The following PAN3 variants were observed in gnomAD, a reference collection of about 807,000 sequenced individuals.
The protein encoded by PAN3 is poly(A) specific ribonuclease subunit PAN3, also known as PAN2-PAN3 deadenylation complex subunit PAN3.
Under a neutral mutation model 96.2 loss-of-function variants are expected in PAN3, and 19 were observed. That is an observed-to-expected ratio of 0.20 (90% confidence interval 0.14 to 0.29). PAN3 has a LOEUF of 0.29. Among genes scored for constraint, PAN3 ranks in the 10% least tolerant of loss-of-function variants. The probability of loss-of-function intolerance (pLI) is 1.00; values close to 1 mark genes in which losing one functional copy is unlikely to be tolerated. For missense variants in PAN3, 882 were observed against 1,108.1 expected, an observed-to-expected ratio of 0.80 and a Z score of 2.90; for synonymous variants, 433 against 406.6, an observed-to-expected ratio of 1.06 and a Z score of -0.78.
intron 1 of PAN3, among the ~76,000 whole-genome samples, chr13:28,156,956 T>C (rs1238716916): frequency 8.1e-6 from 1 of 123,746 alleles, no homozygotes; most frequent in Non-Finnish European, 1.6e-5. Flanking sequence ...GATTGGGCCA[T>C]GGTACTCCAA....
intron 1 of PAN3, among the ~76,000 whole-genome samples, chr13:28,171,123 G>C (rs1198902135): frequency 6.6e-6 from 1 of 152,010 alleles, no homozygotes; most frequent in Non-Finnish European, 1.5e-5. Context: ...CCAACCACAT[G>C]ACCCAAAATT....
intron 6 of PAN3, among the ~76,000 whole-genome samples, chr13:28,232,961 G>T (rs997602335): frequency 2.6e-5 from 4 of 152,144 alleles, no homozygotes; most frequent in Middle Eastern, 3.4e-3. Flanking sequence ...AAGTTTTTAG[G>T]TTAGATTCAT....
Position 28,141,009 on chromosome 13 carries a change from T to TTTATTTA in PAN3, c.430+1924_430+1925insATTTATT, listed in dbSNP as rs1566128457. 1.2e-4 allele frequency among the ~76,000 whole-genome samples: 14 copies of TTTATTTA among 120,728 alleles called. No homozygotes were observed. In the East Asian group the frequency reaches 5.0e-3, roughly 43 times the overall value. 79.2% of individuals were successfully genotyped at this position (120,728 alleles called of 152,430 possible). Reference sequence around the variant, plus strand: ...TTACTGACAGAAAGAGACACTTTTTTTTTTTTTTTTTTTGAGACGGAGGCT... The same window carrying TTTATTTA: ...TTACTGACAGAAAGAGACACTTTTTTTTATTTATTTTTTTTTTTTTGAGACGGAGGCT... On this transcript the variant is annotated intron_variant, in intron 1 of 18. Coordinates refer to ENST00000380958, the MANE Select transcript of PAN3 (RefSeq NM_175854.8).
At position 28,174,305 on chromosome 13, in the gene PAN3, C is replaced by A. The variant is rs1384584014; in HGVS notation, c.464C>A (p.Thr155Lys). The A allele has an allele frequency of 1.2e-6, 2 of 1,612,698 alleles. No individual in the cohort carries two copies. Among genetic ancestry groups the A allele is most frequent in the Admixed American group, 1.7e-5 (1 of 60,008 alleles). The change falls in exon 2 of 19, where the codon ACA becomes AAA. Residue 155 changes from threonine to lysine, a missense_variant. Thr to Lys is a moderately conservative substitution (Grantham distance 78, BLOSUM62 -1). Around this residue, in one of 3 missense-constraint regions of PAN3, gnomAD observed 442 missense variants for 422.8 expected, o/e 1.05. Coordinates refer to ENST00000380958, the MANE Select transcript of PAN3 (RefSeq NM_175854.8). ...ATGGATGGAGGTGCTTTAACTGATA[C>A]AAGTCTCACAGATTCCTATTTTAGC... ...PGMDGGALTD[T>K]SLTDSYFSTS...
chr13:28,165,686 G>C (rs1463389808), intron 1 of PAN3, among the ~76,000 whole-genome samples: 1 of 152,136 alleles, frequency 6.6e-6, no homozygotes, highest in East Asian at 1.9e-4. Flanking sequence ...ATTGGAGACT[G>C]GGTAATTTTT....
chr13:28,243,768 G>A (rs1883899922), intron 6 of PAN3, among the ~76,000 whole-genome samples: 1 of 152,052 alleles, frequency 6.6e-6, no homozygotes, highest in Admixed American at 6.6e-5. Context: ...GGCTCCCTGT[G>A]AAGCCCGCCT....
At chr13:28,215,489 T>C (rs1880633277) in intron 5 of PAN3, 4 of 683,358 alleles carry the variant, frequency 5.9e-6, no homozygotes. Context: ...AGTGTTGCTG[T>C]TGACAGCAAA....
At chr13:28,280,371 C>T in intron 15 of PAN3, 41 bp from the exon 16 acceptor site, 3 of 1,566,980 alleles carry the variant, frequency 1.9e-6, no homozygotes, top group Non-Finnish European at 1.7e-6. Flanking sequence ...TTTTAAATTG[C>T]ATGTTGGACA....
At chr13:28,231,199 G>A (rs898826188) in intron 6 of PAN3, among the ~76,000 whole-genome samples, 1 of 152,092 alleles carries the variant, frequency 6.6e-6, no homozygotes, top group African/African-American at 2.4e-5. Context: ...TGGGATTTAG[G>A]CACTGCACTT....
At chr13:28,172,017 G>A (rs1874369132) in intron 1 of PAN3, among the ~76,000 whole-genome samples, 1 of 152,122 alleles carries the variant, frequency 6.6e-6, no homozygotes, top group Non-Finnish European at 1.5e-5. Context: ...AACCAAAGAT[G>A]CTCCCAGCAC....
chr13:28,145,351 G>A (rs190716631), intron 1 of PAN3, among the ~76,000 whole-genome samples: 1 of 152,136 alleles, frequency 6.6e-6, no homozygotes, highest in Admixed American at 6.6e-5. Context: ...TTGAGACAGA[G>A]TCTCACTCTA....
chr13:28,209,464 A>ATT (rs1212397600), intron 5 of PAN3, among the ~76,000 whole-genome samples: 16 of 152,234 alleles, frequency 1.1e-4, no homozygotes, highest in Non-Finnish European at 2.1e-4. Context: ...TTTTTACTGA[A>ATT]TCAGTAGTAT....
At chr13:28,185,097 A>G (rs1029451988) in intron 4 of PAN3, among the ~76,000 whole-genome samples, 1 of 152,124 alleles carries the variant, frequency 6.6e-6, no homozygotes, top group African/African-American at 2.4e-5. Flanking sequence ...TTTTTATATA[A>G]TTAATTTGAA....
chr13:28,182,612 T>A (rs1273346104), intron 4 of PAN3, among the ~76,000 whole-genome samples: 1 of 152,190 alleles, frequency 6.6e-6, no homozygotes, highest in Admixed American at 6.6e-5. Flanking sequence ...TCTCTTCTGT[T>A]CTTGCTTTTA....
chr13:28,178,076 C>T, intron 4 of PAN3, 141 bp downstream of exon 4: 4 of 677,392 alleles, frequency 5.9e-6, no homozygotes, highest in South Asian at 2.0e-5. Context: ...TTTTGTTTAT[C>T]CTTTTTCTTT....
At chr13:28,292,244 G>A in intron 18 of PAN3, 138 bp from the exon 19 acceptor site, 1 of 808,134 alleles carries the variant, frequency 1.2e-6, no homozygotes, top group South Asian at 2.5e-5. Context: ...ACTGATGAAT[G>A]ATATAAATGT....
chr13:28,138,676 C>A lies in PAN3; in HGVS notation c.19C>A (p.Leu7Ile). ...CGTTGCCATGAACAGTGGCGGCGGC[C>A]TCCCGCCCCCCTCGGCCGCCGCCTC... is the stretch of plus-strand genomic sequence containing the variant. MNSGGGLPPPSAAASPS... is the reference protein window; with the variant it reads MNSGGGIPPPSAAASPS... The change falls in exon 1 of 19, where the codon CTC (leucine) becomes ATC (isoleucine). Residue 7 changes from leucine to isoleucine, a missense_variant. Leu to Ile is a conservative substitution (Grantham distance 5). Around this residue, in one of 3 missense-constraint regions of PAN3, gnomAD observed 442 missense variants for 422.8 expected, o/e 1.05. Transcript: ENST00000380958. The A allele has an allele frequency of 2.3e-6, 2 of 861,840 alleles. No homozygotes were observed. The highest frequency in any genetic ancestry group is 3.2e-6 in the Non-Finnish European group (2 of 625,838). The allele number at this position is 861,840 out of a possible 1,614,324, so 53.4% of individuals were successfully genotyped here. A position where few individuals can be genotyped will look rare whatever the true frequency, so the allele number is the denominator to read the frequency against.
chr13:28,278,755 G>A (rs1266075051), intron 15 of PAN3, among the ~76,000 whole-genome samples: 1 of 151,804 alleles, frequency 6.6e-6, no homozygotes, highest in African/African-American at 2.4e-5. Flanking sequence ...ACAAAACTGA[G>A]CCACAGAGAT....
intron 8 of PAN3, 111 bp from the exon 9 acceptor site, chr13:28,261,290 T>G (rs1393662156): frequency 2.1e-5 from 13 of 630,322 alleles, no homozygotes; most frequent in African/African-American, 3.8e-5. Context: ...ATTTTAATAT[T>G]TAAAAAGTGC....
Sources: gnomAD v4.1 joint callset for allele counts (sites outside exome capture counted in the v4.1 genomes callset) on GRCh38, gnomAD v4.1.1 for gene constraint, gnomAD v4.1.1 regional missense constraint, MANE v1.5 for transcripts, NCBI Gene and HGNC (gene_info 2026-07-23, HGNC 2026-07-21) for gene names.